STAT4: variants seen among roughly 807,000 people sequenced by gnomAD.
STAT4 encodes the protein signal transducer and activator of transcription 4.
Under a neutral mutation model 110.5 loss-of-function variants are expected in STAT4, and 42 were observed. The ratio of observed to expected loss-of-function variants is 0.38; its 90% CI spans 0.30 to 0.49. The LOEUF (loss-of-function observed/expected upper bound fraction) is 0.49, where lower values mean the gene tolerates loss of function less well. Among genes scored for constraint, STAT4 ranks in the 20% least tolerant of loss-of-function variants. STAT4 has a pLI of 0.95. For synonymous variants in STAT4, 284 were observed against 302.2 expected (o/e 0.94, Z 0.63); for missense variants, 632 against 887.9 (o/e 0.71, Z 3.66).
At chr2:191,047,723 T>C (rs1225187888) in intron 14 of STAT4, among the ~76,000 whole-genome samples, 3 of 152,206 alleles carry the variant, frequency 2.0e-5, no homozygotes, top group Non-Finnish European at 4.4e-5. Context: ...AGGAGTGCAG[T>C]GGCATGATCT....
Position 191,060,909 on chromosome 2 carries a change from C to T in STAT4, c.1034+820G>A, listed in dbSNP as rs368350745. Among the ~76,000 whole-genome samples, 2 of 152,116 alleles carry T rather than the reference C, an allele frequency of 1.3e-5. No individual in the cohort carries two copies. Among genetic ancestry groups the T allele is most frequent in the Admixed American group, 1.3e-4 (2 of 15,266 alleles). On this transcript the variant is annotated intron_variant, in intron 10 of 23. Transcript: ENST00000392320. This position sits in a 1 kb window ranked among gnomAD's most constrained non-coding sequence, Gnocchi z 4.5. The stretch of plus-strand genomic sequence containing the variant: ...TGTGATCAGCAACCTTATCATAGAA[C>T]CCTAAACTGCTCTGTACCATGGCAT...
chr2:191,093,285 C>A (rs1477434979), intron 3 of STAT4, among the ~76,000 whole-genome samples: 2 of 152,200 alleles, frequency 1.3e-5, no homozygotes, highest in Non-Finnish European at 2.9e-5. Context: ...CCGGGAGACA[C>A]CTCCCAGTAG....
At position 191,144,293 on chromosome 2, in the gene STAT4, A is replaced by G. The variant is rs1699406794; in HGVS notation, c.273+2320T>C. Reference sequence around the variant, plus strand: ...GGAGGATGAGAACACAGACTAAAGCATGTGGTGAAGGTTTTCTTGTTGCAC... The same window carrying G: ...GGAGGATGAGAACACAGACTAAAGCGTGTGGTGAAGGTTTTCTTGTTGCAC... On this transcript the variant is annotated intron_variant, in intron 3 of 23. Transcript: ENST00000392320. The surrounding 1 kb of genome is among the most constrained non-coding windows in gnomAD (Gnocchi z 4.7). 6.6e-6 allele frequency among the ~76,000 whole-genome samples: 1 copy of G among 152,178 alleles called. No individual in the cohort carries two copies. Among genetic ancestry groups the G allele is most frequent in the Admixed American group, 6.5e-5 (1 of 15,276 alleles).
intron 14 of STAT4, among the ~76,000 whole-genome samples, chr2:191,044,745 G>A (rs145002422): frequency 1.9e-4 from 29 of 152,264 alleles, no homozygotes; most frequent in Non-Finnish European, 3.1e-4. Flanking sequence ...CTCCCAGAGC[G>A]ATGTTGCCAA....
rs1035663114 is a variant in STAT4 at position 191,039,103 on chromosome 2, C to T, written c.1434+96G>A. 79 of 1,074,350 alleles carry T rather than the reference C, an allele frequency of 7.4e-5. No individual in the cohort carries two copies. In the African/African-American group the frequency reaches 1.1e-3, roughly 15 times the overall value. 66.6% of individuals were successfully genotyped at this position (1,074,350 alleles called of 1,614,324 possible). A position where few individuals can be genotyped will look rare whatever the true frequency, so the allele number is the denominator to read the frequency against. ...CAAATAAAGCAACTCTCACCCCACACCCCACTGGCACACACATGTTTTGAT... is the reference window on the plus strand; with the variant it reads ...CAAATAAAGCAACTCTCACCCCACATCCCACTGGCACACACATGTTTTGAT... On this transcript the variant is annotated intron_variant, in intron 16 of 23. Coordinates refer to ENST00000392320, the MANE Select transcript of STAT4 (RefSeq NM_003151.4). The surrounding 1 kb of genome is among the most constrained non-coding windows in gnomAD (Gnocchi z 4.7).
chr2:191,085,986 T>G (rs1409993706), intron 3 of STAT4, among the ~76,000 whole-genome samples: 1 of 152,240 alleles, frequency 6.6e-6, no homozygotes, highest in African/African-American at 2.4e-5. Flanking sequence ...TGAGCAAAAT[T>G]TGAAACATAT....
chr2:191,143,835 T>A lies in STAT4; in HGVS notation c.273+2778A>T, dbSNP rs1699395454. On this transcript the variant is annotated intron_variant, in intron 3 of 23. Coordinates refer to ENST00000392320, the MANE Select transcript of STAT4 (RefSeq NM_003151.4). The surrounding 1 kb of genome is among the most constrained non-coding windows in gnomAD (Gnocchi z 5.6). ...GTGGGGAAGAGAGGATCTTATTTTT[T>A]AAAAAAGACTCATCATACCACCCTT... 6.6e-6 allele frequency among the ~76,000 whole-genome samples: 1 copy of A among 151,948 alleles called. No individual in the cohort carries two copies. The highest frequency in any genetic ancestry group is 1.5e-5 in the Non-Finnish European group (1 of 67,990).
chr2:191,081,194 G>T (rs187933296), intron 3 of STAT4, among the ~76,000 whole-genome samples: 1 of 152,184 alleles, frequency 6.6e-6, no homozygotes, highest in Non-Finnish European at 1.5e-5. Context: ...TGGCTGCATA[G>T]TATTCCATGG....
chr2:191,092,131 C>T (rs868350593), intron 3 of STAT4, among the ~76,000 whole-genome samples: 5 of 152,130 alleles, frequency 3.3e-5, no homozygotes, highest in Admixed American at 6.5e-5. Flanking sequence ...GAAGCCCGGG[C>T]GCTGTGGCTC....
At chr2:191,044,669 C>G (rs539408870) in intron 14 of STAT4, among the ~76,000 whole-genome samples, 2 of 152,290 alleles carry the variant, frequency 1.3e-5, no homozygotes, top group African/African-American at 4.8e-5. Flanking sequence ...CAAAAAACAA[C>G]TACCCCACAA....
intron 3 of STAT4, among the ~76,000 whole-genome samples, chr2:191,124,999 T>A (rs2125401106): frequency 1.3e-5 from 2 of 152,334 alleles, no homozygotes; most frequent in Admixed American, 1.3e-4. Flanking sequence ...TCTCCACCTC[T>A]AGGAAGACTT....
At chr2:191,054,067 G>A (rs1696603333) in intron 14 of STAT4, among the ~76,000 whole-genome samples, 1 of 149,614 alleles carries the variant, frequency 6.7e-6, no homozygotes, top group African/African-American at 2.5e-5. Flanking sequence ...GGCGAAAGCT[G>A]CAGTGAACCA....
chr2:191,127,056 T>C (rs374484325), intron 3 of STAT4, among the ~76,000 whole-genome samples: 35 of 151,730 alleles, frequency 2.3e-4, no homozygotes, highest in African/African-American at 8.0e-4. Flanking sequence ...TTTTGTGTTA[T>C]GGAAAATAAA....
intron 13 of STAT4, 72 bp downstream of exon 13, chr2:191,057,946 T>C: frequency 8.0e-7 from 1 of 1,252,604 alleles, no homozygotes; most frequent in Non-Finnish European, 1.2e-6. Context: ...CATACTGAAT[T>C]ATAAGGCGTA....
chr2:191,038,697 C>T (rs1015222048), intron 16 of STAT4, among the ~76,000 whole-genome samples: 3 of 152,174 alleles, frequency 2.0e-5, no homozygotes, highest in African/African-American at 7.2e-5. Flanking sequence ...GACCAGATAG[C>T]ATTAAAACCC....
At position 191,150,270 on chromosome 2, in the gene STAT4, G is replaced by T. The variant is rs1292934828; in HGVS notation, c.-2+677C>A. Among the ~76,000 whole-genome samples, 2 of 152,192 alleles carry T rather than the reference G, an allele frequency of 1.3e-5. No homozygotes were observed. The highest frequency in any genetic ancestry group is 4.8e-5 in the African/African-American group (2 of 41,452). On this transcript the variant is annotated intron_variant, in intron 1 of 23. Transcript: ENST00000392320. The surrounding 1 kb of genome is among the most constrained non-coding windows in gnomAD (Gnocchi z 6.4). Reference sequence around the variant, plus strand: ...ACATAGTCCTAGGACATTTTCTATTGCAGCCTCTGGGAACGCCTTTAGACA... The same window carrying T: ...ACATAGTCCTAGGACATTTTCTATTTCAGCCTCTGGGAACGCCTTTAGACA...
intron 3 of STAT4, among the ~76,000 whole-genome samples, chr2:191,124,531 T>C (rs951423081): frequency 8.6e-5 from 13 of 151,336 alleles, no homozygotes; most frequent in Non-Finnish European, 1.3e-4. Flanking sequence ...AAAACAAAGA[T>C]GAATGCACTC....
At chr2:191,052,721 A>G (rs997166010) in intron 14 of STAT4, among the ~76,000 whole-genome samples, 1 of 152,234 alleles carries the variant, frequency 6.6e-6, no homozygotes, top group African/African-American at 2.4e-5. Context: ...TCAAGATGTC[A>G]AACTGAATGA....
chr2:191,145,797 A>C (rs1699446160), intron 3 of STAT4, among the ~76,000 whole-genome samples: 1 of 152,212 alleles, frequency 6.6e-6, no homozygotes. Context: ...TCTGTTATTT[A>C]ATACGTTGTA....
Sources: gnomAD v4.1 joint callset for allele counts (sites outside exome capture counted in the v4.1 genomes callset) on GRCh38, gnomAD v4.1.1 for gene constraint, Gnocchi (gnomAD v3.1) non-coding constraint, MANE v1.5 for transcripts, NCBI Gene and HGNC (gene_info 2026-07-23, HGNC 2026-07-21) for gene names.